The following CUBN variants were observed in gnomAD, a reference collection of about 807,000 sequenced individuals.
The protein encoded by CUBN is cubilin, also known as 460 kDa receptor.
CUBN carries 282 observed loss-of-function variants against 405.3 expected under a neutral mutation model. The observed-to-expected ratio is 0.70, with a 90% CI of 0.63 to 0.77. The LOEUF (loss-of-function observed/expected upper bound fraction) is 0.77. Ranked by LOEUF, CUBN falls within the 30% of genes least tolerant of loss-of-function variation. The pLI is 0.00. For missense variants in CUBN, 4,514 were observed against 4,475.2 expected (o/e 1.01, Z -0.25); for synonymous variants, 1,684 against 1,617.0 (o/e 1.04, Z -0.99).
intron 40 of CUBN, among the ~76,000 whole-genome samples, chr10:16,928,851 C>A (rs748813542): frequency 1.2e-4 from 18 of 151,998 alleles, no homozygotes; most frequent in Non-Finnish European, 2.2e-4. Context: ...CACCGTCTTT[C>A]TAAAAACTGG....
chr10:16,991,067 A>T (rs1217895906), intron 28 of CUBN, among the ~76,000 whole-genome samples: 1 of 14,908 alleles, frequency 6.7e-5, no homozygotes, highest in Non-Finnish European at 7.8e-4. Flanking sequence ...ATTTACATTA[A>T]AAAAAATACA....
intron 30 of CUBN, among the ~76,000 whole-genome samples, chr10:16,982,965 C>T (rs527517074): frequency 6.6e-6 from 1 of 151,204 alleles, no homozygotes; most frequent in South Asian, 2.1e-4. Context: ...CTTCACTGTC[C>T]TCTAAAAATA....
At chr10:17,033,589 CTTAA>C (rs1834828310) in intron 27 of CUBN, among the ~76,000 whole-genome samples, 1 of 152,172 alleles carries the variant, frequency 6.6e-6, no homozygotes, top group Non-Finnish European at 1.5e-5. Context: ...ACAAACCCTG[CTTAA>C]TTGTGTTTTA....
chr10:16,829,749 G>A (rs1172952539), intron 65 of CUBN, among the ~76,000 whole-genome samples: 1 of 152,082 alleles, frequency 6.6e-6, no homozygotes, highest in African/African-American at 2.4e-5. Context: ...TGACCACTGA[G>A]GTCTAATCTC....
At chr10:17,110,626 C>A (rs1241621410) in intron 9 of CUBN, among the ~76,000 whole-genome samples, 1 of 152,162 alleles carries the variant, frequency 6.6e-6, no homozygotes. Context: ...TTCCCAGGTT[C>A]AAGCGATTCT....
At chr10:17,002,887 G>T (rs890237686) in intron 28 of CUBN, among the ~76,000 whole-genome samples, 1 of 152,186 alleles carries the variant, frequency 6.6e-6, no homozygotes, top group Non-Finnish European at 1.5e-5. Context: ...GTGAAAATTT[G>T]TCATAAATAC....
At chr10:17,091,023 C>A (rs138557626) in intron 14 of CUBN, among the ~76,000 whole-genome samples, 135 of 152,256 alleles carry the variant, frequency 8.9e-4, no homozygotes, top group African/African-American at 3.1e-3. Context: ...GATCTAAATA[C>A]CATTTCCCAC....
chr10:16,827,475 T>G (rs1838817000), intron 66 of CUBN, among the ~76,000 whole-genome samples: 1 of 152,250 alleles, frequency 6.6e-6, no homozygotes, highest in Non-Finnish European at 1.5e-5. Context: ...GTAAGTTATA[T>G]TTTAAAAACC....
rs1325353660 is a variant in CUBN at position 17,110,901 on chromosome 10, A to G, written c.1015+18T>C. On this transcript the variant is annotated intron_variant, in intron 9 of 66. Transcript: ENST00000377833. ...CCTGTGCTGGGGTCAGGAGGTTGAC[A>G]TTGAACCGAGGCAGCACCTGGTGGA... The G allele has an allele frequency of 1.2e-6, 2 of 1,614,166 alleles. No individual in the cohort carries two copies. The highest frequency in any genetic ancestry group is 2.2e-5 in the South Asian group (2 of 91,082).
intron 62 of CUBN, among the ~76,000 whole-genome samples, chr10:16,838,944 C>A (rs532355491): frequency 6.6e-6 from 1 of 152,306 alleles, no homozygotes; most frequent in South Asian, 2.1e-4. Context: ...CCACACCCAG[C>A]CCTTTTCTTT....
chr10:17,078,269 T>C (rs1428896523), intron 17 of CUBN, among the ~76,000 whole-genome samples: 1 of 152,214 alleles, frequency 6.6e-6, no homozygotes, highest in African/African-American at 2.4e-5. Flanking sequence ...TTTCCATCCC[T>C]GTGTGATTCC....
At position 17,041,069 on chromosome 10, in the gene CUBN, C is replaced by T; in HGVS notation, c.3981G>A (p.Leu1327=). 1 of 1,613,710 alleles carries T rather than the reference C, an allele frequency of 6.2e-7. No homozygotes were observed. Among genetic ancestry groups the T allele is most frequent in the Non-Finnish European group, 8.5e-7 (1 of 1,179,758 alleles). The part of the protein sequence containing the change: ...TVNYTFLAFD[L]EHHINCSTDY... ...CTGTGGAGCAGTTTATGTGATGTTCCAAGTCAAATGCTAAAAATGTGTAGT... is the reference window on the plus strand; with the variant it reads ...CTGTGGAGCAGTTTATGTGATGTTCTAAGTCAAATGCTAAAAATGTGTAGT... Residue 1327 remains leucine (L), a synonymous_variant, in exon 27 of 67, where the codon TTG becomes TTA. Coordinates refer to ENST00000377833, the MANE Select transcript of CUBN (RefSeq NM_001081.4).
At position 16,824,602 on chromosome 10, in the gene CUBN, C is replaced by T. The variant is rs780298022; in HGVS notation, c.*373G>A. On this transcript the variant is annotated 3_prime_UTR_variant, in exon 67 of 67. Transcript: ENST00000377833. ...GTGGTGTGATCTTAGCTCACTGCAA[C>T]CTCTGCCTCCTGGGTTCAAGCAATT... 9.5e-6 allele frequency: 3 copies of T among 314,924 alleles called. No individual in the cohort carries two copies. Among genetic ancestry groups the T allele is most frequent in the Non-Finnish European group, 1.9e-5 (3 of 159,734 alleles). The allele number at this position is 314,924 out of a possible 1,614,324, so 19.5% of individuals were successfully genotyped here.
At chr10:17,123,532 A>C (rs1279928852) in intron 5 of CUBN, 56 bp downstream of exon 5, 2 of 1,306,674 alleles carry the variant, frequency 1.5e-6, no homozygotes, top group African/African-American at 1.4e-5. Flanking sequence ...GATGATTCCA[A>C]GGAAACCACA....
At chr10:16,989,394 T>C (rs1478548766) in intron 29 of CUBN, among the ~76,000 whole-genome samples, 2 of 148,320 alleles carry the variant, frequency 1.3e-5, no homozygotes, top group African/African-American at 4.9e-5. Context: ...ATTATTATAA[T>C]TTATAGTGTA....
In CUBN at chr10:16,954,473, C is replaced by T. The variant is rs201056237; in HGVS notation, c.4771G>A (p.Val1591Ile). 12 of 1,614,020 alleles carry T rather than the reference C, an allele frequency of 7.4e-6. No homozygotes were observed. The Admixed American group carries it at 1.0e-4, about 13-fold the overall frequency. ...AAGAAGAGGCTGTTTCCTGAGGAGA[C>T]GATGGGGTTAGCCAGCTGCTCCCTT... ...CGREQLANPI[V>I]SSGNSLFLRF... Residue 1591 changes from valine (V) to isoleucine (I), a missense_variant, in exon 32 of 67, where the codon GTC becomes ATC. By Grantham distance (29) the Val-to-Ile change is conservative. This residue lies in a region of CUBN where 1,613 missense variants were observed against 1,542.8 expected (regional missense o/e 1.05). Transcript: ENST00000377833.
chr10:16,905,683 C>T (rs1304866915), intron 50 of CUBN, among the ~76,000 whole-genome samples: 2 of 152,188 alleles, frequency 1.3e-5, no homozygotes, highest in Non-Finnish European at 2.9e-5. Flanking sequence ...ATCCGCCTCA[C>T]TCACTGTTCC....
At chr10:17,080,105 T>C (rs1025106511) in intron 17 of CUBN, among the ~76,000 whole-genome samples, 1 of 152,220 alleles carries the variant, frequency 6.6e-6, no homozygotes, top group African/African-American at 2.4e-5. Flanking sequence ...GAGTTGAGTT[T>C]CATCACATCT....
chr10:17,014,910 TA>T (rs1251809957), intron 28 of CUBN, among the ~76,000 whole-genome samples: 2 of 152,142 alleles, frequency 1.3e-5, no homozygotes, highest in African/African-American at 4.8e-5. Flanking sequence ...TGCAGGAGAA[TA>T]CAGAAGAAGG....
Sources: gnomAD v4.1 joint callset for allele counts (sites outside exome capture counted in the v4.1 genomes callset) on GRCh38, gnomAD v4.1.1 for gene constraint, gnomAD v4.1.1 regional missense constraint, MANE v1.5 for transcripts, NCBI Gene and HGNC (gene_info 2026-07-23, HGNC 2026-07-21) for gene names.